Variants in PHACTR2 observed in about 807,000 individuals in gnomAD.
PHACTR2 encodes phosphatase and actin regulator 2.
In PHACTR2, 30 loss-of-function variants were observed where a neutral mutation model predicts 76.0. The observed-to-expected ratio is 0.39, with a 90% CI of 0.30 to 0.54. The LOEUF is 0.54. Among genes scored for constraint, PHACTR2 ranks in the 20% least tolerant of loss-of-function variants. PHACTR2 has a pLI of 0.61. For synonymous variants in PHACTR2, 292 were observed against 292.5 expected (o/e 1.00, Z 0.02); for missense variants, 696 against 781.1 (o/e 0.89, Z 1.30).
rs1431415630 is a variant in PHACTR2 at position 143,761,965 on chromosome 6, T to C, written c.694+1325T>C. On this transcript the variant is annotated intron_variant, in intron 5 of 12. Coordinates refer to ENST00000440869, the MANE Select transcript of PHACTR2 (RefSeq NM_001100164.2). This position sits in a 1 kb window ranked among gnomAD's most constrained non-coding sequence, Gnocchi z 5.2. Reference sequence around the variant, plus strand: ...CTCATGTCCCGCCTTTGACCTTTAGTGTCTGGGTCTCTTCTAATAAGCTCT... The same window carrying C: ...CTCATGTCCCGCCTTTGACCTTTAGCGTCTGGGTCTCTTCTAATAAGCTCT... 6.6e-6 allele frequency among the ~76,000 whole-genome samples: 1 copy of C among 152,156 alleles called. No homozygotes were observed. The highest frequency in any genetic ancestry group is 1.9e-4 in the East Asian group (1 of 5,182).
At chr6:143,748,506 A>G (rs1779118144) in intron 2 of PHACTR2, among the ~76,000 whole-genome samples, 1 of 152,198 alleles carries the variant, frequency 6.6e-6, no homozygotes, top group Non-Finnish European at 1.5e-5. Context: ...TTTGTAATAG[A>G]TGGAGTGAGA....
Position 143,688,732 on chromosome 6 carries a change from C to T in PHACTR2, c.46+10523C>T, listed in dbSNP as rs1375090266. On this transcript the variant is annotated intron_variant, in intron 1 of 12. Transcript: ENST00000440869. The surrounding 1 kb of genome is among the most constrained non-coding windows in gnomAD (Gnocchi z 5.2). ...GCTCTTCCGTCTGTCCCTACTGCCA[C>T]CGTCCAAGCTCTGGGGCCATCCATT... Among the ~76,000 whole-genome samples the T allele has an allele frequency of 6.6e-6, 1 of 152,230 alleles. No homozygotes were observed. Among genetic ancestry groups the T allele is most frequent in the Non-Finnish European group, 1.5e-5 (1 of 68,038 alleles).
chr6:143,814,239 C>T (rs1332034766), intron 12 of PHACTR2, among the ~76,000 whole-genome samples: 1 of 152,076 alleles, frequency 6.6e-6, no homozygotes, highest in Admixed American at 6.5e-5. Context: ...ATCTGTAATC[C>T]CAGCTACTTG....
rs1779157399 is a variant in PHACTR2 at position 143,750,410 on chromosome 6, G to T, written c.295+1345G>T. ...AATCCCCTGTCCAATGTCTCTGAAG[G>T]CAATAGAGAAATAATATACCCATTG... On this transcript the variant is annotated intron_variant, in intron 3 of 12. Transcript: ENST00000440869. This position sits in a 1 kb window ranked among gnomAD's most constrained non-coding sequence, Gnocchi z 4.6. 6.6e-6 allele frequency among the ~76,000 whole-genome samples: 1 copy of T among 152,118 alleles called. No homozygotes were observed. The highest frequency in any genetic ancestry group is 2.1e-4 in the South Asian group (1 of 4,822).
In PHACTR2 at chr6:143,695,484, G is replaced by A. The variant is rs1359311333; in HGVS notation, c.47-16532G>A. Among the ~76,000 whole-genome samples, 1 of 152,228 alleles carries A rather than the reference G, an allele frequency of 6.6e-6. No homozygotes were observed. On this transcript the variant is annotated intron_variant, in intron 1 of 12. Transcript: ENST00000440869. The surrounding 1 kb of genome is among the most constrained non-coding windows in gnomAD (Gnocchi z 4.4). ...TAAAAATGGCGTCTTACTATAGACA[G>A]TGGAAATAACTGATAAGGATTTAAT...
At chr6:143,668,212 C>T (rs6914303) in intron 1 of PHACTR2, among the ~76,000 whole-genome samples, 4,870 of 152,188 alleles carry the variant, frequency 0.032, 251 homozygotes, top group African/African-American at 0.11. Context: ...GCCTTGCATC[C>T]CACGGATGCA....
At chr6:143,691,643 A>G (rs1406212669) in intron 1 of PHACTR2, among the ~76,000 whole-genome samples, 2 of 152,258 alleles carry the variant, frequency 1.3e-5, no homozygotes, top group East Asian at 3.8e-4. Context: ...AAAAGACCAC[A>G]GAATTTCAAC....
chr6:143,724,516 C>G (rs1778515788), intron 2 of PHACTR2, among the ~76,000 whole-genome samples: 1 of 152,130 alleles, frequency 6.6e-6, no homozygotes, highest in African/African-American at 2.4e-5. Context: ...TTCACCTTCC[C>G]TTTTAGTGGG....
In PHACTR2 at chr6:143,722,259, A is replaced by G. The variant is rs9484801; in HGVS notation, c.214+10076A>G. Among the ~76,000 whole-genome samples the G allele has an allele frequency of 0.025, 3,730 of 152,220 alleles. 151 individuals carry two copies. The highest frequency in any genetic ancestry group is 0.082 in the African/African-American group (3,403 of 41,548). On this transcript the variant is annotated intron_variant, in intron 2 of 12. Transcript: ENST00000440869. The surrounding 1 kb of genome is among the most constrained non-coding windows in gnomAD (Gnocchi z 4.1). ...TCTGTACCCTCATGTGGATATATGT[A>G]CATATCATATCCACATTTCTTGGAT...
At chr6:143,626,744 C>T (rs555829499) in intron 1 of PHACTR2, among the ~76,000 whole-genome samples, 15 of 152,204 alleles carry the variant, frequency 9.9e-5, no homozygotes, top group African/African-American at 3.6e-4. Context: ...GAGCTTCTGC[C>T]TGCCTGTGCT....
At chr6:143,812,569 C>T (rs1342048486) in intron 12 of PHACTR2, among the ~76,000 whole-genome samples, 1 of 152,296 alleles carries the variant, frequency 6.6e-6, no homozygotes, top group Non-Finnish European at 1.5e-5. Context: ...CTCCCAGTTT[C>T]TCCCAGTATT....
Position 143,541,993 on chromosome 6 carries a change from G to T in PHACTR2, c.217+4786G>T, listed in dbSNP as rs1399638817. On this transcript the variant is annotated intron_variant, in intron 1 of 11. Coordinates refer to the PHACTR2 transcript ENST00000367584. The surrounding 1 kb of genome is among the most constrained non-coding windows in gnomAD (Gnocchi z 5.3). The stretch of plus-strand genomic sequence containing the variant: ...CCTAGGCCAGGAACAATGAACACCT[G>T]CTCACTTTACATTTGTGTAACTCAG... 6.6e-6 allele frequency among the ~76,000 whole-genome samples: 1 copy of T among 152,224 alleles called. No homozygotes were observed. Among genetic ancestry groups the T allele is most frequent in the African/African-American group, 2.4e-5 (1 of 41,464 alleles).
Position 143,670,869 on chromosome 6 carries a change from A to G in PHACTR2, c.14-41147A>G, listed in dbSNP as rs561179477. ...AATTCATCAAACTCATTCTCCATCCATTTTTGTTCCCTTGCTGGCGAGGAG... is the reference window on the plus strand; with the variant it reads ...AATTCATCAAACTCATTCTCCATCCGTTTTTGTTCCCTTGCTGGCGAGGAG... On this transcript the variant is annotated intron_variant, in intron 1 of 11. Coordinates refer to the PHACTR2 transcript ENST00000305766. 2.0e-5 allele frequency among the ~76,000 whole-genome samples: 3 copies of G among 151,238 alleles called. No individual in the cohort carries two copies. The South Asian group carries it at 6.3e-4, about 32-fold the overall frequency.
At position 143,658,542 on chromosome 6, in the gene PHACTR2, A is replaced by C. The variant is rs1045530076; in HGVS notation, c.13+50220A>C. Reference sequence around the variant, plus strand: ...GTGTATTTTAACAAACCTGGATGGAATAGCCTACTATACAACCTAGGCTGT... The same window carrying C: ...GTGTATTTTAACAAACCTGGATGGACTAGCCTACTATACAACCTAGGCTGT... On this transcript the variant is annotated intron_variant, in intron 1 of 11. Transcript: ENST00000305766. This position sits in a 1 kb window ranked among gnomAD's most constrained non-coding sequence, Gnocchi z 4.1. Among the ~76,000 whole-genome samples the C allele has an allele frequency of 6.6e-6, 1 of 152,224 alleles. No individual in the cohort carries two copies. Among genetic ancestry groups the C allele is most frequent in the Non-Finnish European group, 1.5e-5 (1 of 68,040 alleles).
At position 143,646,980 on chromosome 6, in the gene PHACTR2, G is replaced by T. The variant is rs1398686210; in HGVS notation, c.13+38658G>T. Among the ~76,000 whole-genome samples, 1 of 152,134 alleles carries T rather than the reference G, an allele frequency of 6.6e-6. No individual in the cohort carries two copies. Among genetic ancestry groups the T allele is most frequent in the Non-Finnish European group, 1.5e-5 (1 of 68,026 alleles). On this transcript the variant is annotated intron_variant, in intron 1 of 11. Transcript: ENST00000305766. This position sits in a 1 kb window ranked among gnomAD's most constrained non-coding sequence, Gnocchi z 4.1. ...CAGTGAGGTAAGCCTTGCTTCTAAAGAATTTTAAAATGTATTTTTAGCAAG... is the reference window on the plus strand; with the variant it reads ...CAGTGAGGTAAGCCTTGCTTCTAAATAATTTTAAAATGTATTTTTAGCAAG...
At chr6:143,802,647 C>CAGAAAA (rs375999880) in intron 11 of PHACTR2, among the ~76,000 whole-genome samples, 1 of 90,168 alleles carries the variant, frequency 1.1e-5, no homozygotes, top group African/African-American at 4.3e-5. Context: ...GACCCTGTCT[C>CAGAAAA]AAAAAAAAAA....
intron 1 of PHACTR2, among the ~76,000 whole-genome samples, chr6:143,706,369 C>T (rs570000388): frequency 2.6e-5 from 4 of 152,350 alleles, no homozygotes; most frequent in East Asian, 3.9e-4. Flanking sequence ...CTAGCAAATA[C>T]ATGTGTGTAA....
intron 9 of PHACTR2, among the ~76,000 whole-genome samples, chr6:143,779,589 T>C (rs928644286): frequency 6.6e-6 from 1 of 152,038 alleles, no homozygotes; most frequent in Non-Finnish European, 1.5e-5. Context: ...ACTTCGTGAT[T>C]CGCCCACCTT....
At chr6:143,567,481 C>T (rs922281216) in intron 1 of PHACTR2, among the ~76,000 whole-genome samples, 2 of 152,216 alleles carry the variant, frequency 1.3e-5, no homozygotes, top group Admixed American at 1.3e-4. Flanking sequence ...TCACTGCAAC[C>T]TCCACCTCCT....
Sources: gnomAD v4.1 joint callset for allele counts (sites outside exome capture counted in the v4.1 genomes callset) on GRCh38, gnomAD v4.1.1 for gene constraint, Gnocchi (gnomAD v3.1) non-coding constraint, MANE v1.5 for transcripts, NCBI Gene and HGNC (gene_info 2026-07-23, HGNC 2026-07-21) for gene names.